Variants in CD101 observed in about 807,000 individuals in gnomAD.
CD101 encodes the protein immunoglobulin superfamily member 2.
In CD101, 76 loss-of-function variants were observed where a neutral mutation model predicts 98.2. That is an observed-to-expected ratio of 0.77 (90% CI 0.64 to 0.94). The LOEUF is 0.94. Among genes scored for constraint, CD101 ranks in the 40% least tolerant of loss-of-function variants. The probability of loss-of-function intolerance (pLI) is 0.00; values close to 1 mark genes in which losing one functional copy is unlikely to be tolerated. For synonymous variants in CD101, 471 were observed against 472.7 expected, an observed-to-expected ratio of 1.00 and a Z score of 0.05; for missense variants, 1,145 against 1,218.8, an observed-to-expected ratio of 0.94 and a Z score of 0.90.
At position 117,025,891 on chromosome 1, in the gene CD101, G is replaced by A. The variant is rs763164796; in HGVS notation, c.2811G>A (p.Thr937=). The part of the protein sequence containing the change: ...ASDESQRMVL[T]VLPSEPTLPS... ...ATGAGTCACAGCGGATGGTGCTCAC[G>A]GTGCTGCCTTCAGGTAACCAGGGGT... Residue 937 remains threonine, a synonymous_variant, in exon 8 of 10, where the codon ACG becomes ACA. Transcript: ENST00000682167. The A allele has an allele frequency of 6.8e-6, 11 of 1,608,344 alleles. No homozygotes were observed. Among genetic ancestry groups the A allele is most frequent in the East Asian group, 6.7e-5 (3 of 44,754 alleles).
chr1:117,035,915 A>G (rs1039557264), intron 9 of CD101, among the ~76,000 whole-genome samples: 3 of 152,150 alleles, frequency 2.0e-5, no homozygotes, highest in Non-Finnish European at 2.9e-5. Flanking sequence ...ATTTTAATTC[A>G]AAGGGAAAGA....
chr1:117,026,667 T>C, intron 8 of CD101: 1 of 152,222 alleles, frequency 6.6e-6, no homozygotes, highest in East Asian at 1.9e-4. Context: ...CTGTAAAAAG[T>C]ATACAGTCTG....
chr1:117,032,431 A>G (rs960754685), intron 8 of CD101: 6 of 152,224 alleles, frequency 3.9e-5, no homozygotes, highest in African/African-American at 1.4e-4. Context: ...GAATGTCTAG[A>G]TTCTTTCTTG....
Position 117,001,813 on chromosome 1 carries a change from C to G in CD101, c.-5C>G. ...TTGGGACGAAAAAGGACTGTGCTGGCCCAAATGGCAGGCATCTCATATGTG... is the reference window on the plus strand; with the variant it reads ...TTGGGACGAAAAAGGACTGTGCTGGGCCAAATGGCAGGCATCTCATATGTG... On this transcript the variant is annotated 5_prime_UTR_variant, in exon 1 of 10. Coordinates refer to ENST00000682167, the MANE Select transcript of CD101 (RefSeq NM_001256106.3). 1 of 1,613,974 alleles carries G rather than the reference C, an allele frequency of 6.2e-7. No individual in the cohort carries two copies. The highest frequency in any genetic ancestry group is 1.1e-5 in the South Asian group (1 of 91,074).
chr1:117,011,424 A>T, intron 2 of CD101, 126 bp from the exon 3 acceptor site: 1 of 750,400 alleles, frequency 1.3e-6, no homozygotes. Context: ...ATAGGAAAGC[A>T]TATGGCAAGT....
At position 117,004,570 on chromosome 1, in the gene CD101, T is replaced by C. The variant is rs2101109991; in HGVS notation, c.43+2710T>C. ...CTCATCAGCCAACAAGAATATGAGC[T>C]ACTATTCAAAAGTAGCTAACCCTCT... is the stretch of plus-strand genomic sequence containing the variant. On this transcript the variant is annotated intron_variant, in intron 1 of 9. Coordinates refer to ENST00000682167, the MANE Select transcript of CD101 (RefSeq NM_001256106.3). This position sits in a 1 kb window ranked among gnomAD's most constrained non-coding sequence, Gnocchi z 4.1. Among the ~76,000 whole-genome samples, 1 of 152,310 alleles carries C rather than the reference T, an allele frequency of 6.6e-6. No homozygotes were observed. The highest frequency in any genetic ancestry group is 2.1e-4 in the South Asian group (1 of 4,828).
Position 117,017,471 on chromosome 1 carries a change from T to C in CD101, c.1610T>C (p.Leu537Pro). 1.9e-6 allele frequency: 3 copies of C among 1,604,996 alleles called. No individual in the cohort carries two copies. Among genetic ancestry groups the C allele is most frequent in the Non-Finnish European group, 2.6e-6 (3 of 1,174,048 alleles). The stretch of plus-strand genomic sequence containing the variant: ...AAGATTTCAGTTACTGTAAAGTCTC[T>C]GGGTAAGTGTCAAAGGAAGTCCTTT... ...TQKISVTVKS[L>P]ESSLQVSLMS... Residue 537 changes from leucine to proline, a missense_variant and splice_region_variant, in exon 5 of 10, where the codon CTG (leucine) becomes CCG (proline). Transcript: ENST00000682167.
rs1277116836 is a variant in CD101, at chr1:117,004,592, C to T, written c.43+2732C>T. Among the ~76,000 whole-genome samples the T allele has an allele frequency of 6.6e-6, 1 of 152,140 alleles. No individual in the cohort carries two copies. Among genetic ancestry groups the T allele is most frequent in the Non-Finnish European group, 1.5e-5 (1 of 68,038 alleles). On this transcript the variant is annotated intron_variant, in intron 1 of 9. Transcript: ENST00000682167. This position sits in a 1 kb window ranked among gnomAD's most constrained non-coding sequence, Gnocchi z 4.1. ...AGCTACTATTCAAAAGTAGCTAACCCTCTACCCATTAAAAGAGAGAGCAAG... is the reference window on the plus strand; with the variant it reads ...AGCTACTATTCAAAAGTAGCTAACCTTCTACCCATTAAAAGAGAGAGCAAG...
rs1030201592 is a variant in CD101 at position 117,010,044 on chromosome 1, T to G, written c.238T>G (p.Phe80Val). The change falls in exon 2 of 10, where the codon TTC (phenylalanine) becomes GTC (valine). Residue 80 changes from phenylalanine to valine, a missense_variant. Physicochemically the swap from Phe to Val is conservative, Grantham distance 50. Coordinates refer to ENST00000682167, the MANE Select transcript of CD101 (RefSeq NM_001256106.3). This position sits in a 1 kb window ranked among gnomAD's most constrained non-coding sequence, Gnocchi z 5.2. Reference protein sequence around the residue: ...VQIISTKDAAFSYAVYTQRVR... With the variant: ...VQIISTKDAAVSYAVYTQRVR... ...GATCATTAGCACCAAGGATGCTGCCTTCTCTTACGCAGTATATACGCAGCG... is the reference window on the plus strand; with the variant it reads ...GATCATTAGCACCAAGGATGCTGCCGTCTCTTACGCAGTATATACGCAGCG... 6.2e-7 allele frequency: 1 copy of G among 1,614,226 alleles called. No individual in the cohort carries two copies. Among genetic ancestry groups the G allele is most frequent in the African/African-American group, 1.3e-5 (1 of 75,064 alleles).
chr1:117,023,661 C>T lies in CD101; in HGVS notation c.2428+1678C>T, dbSNP rs1570734828. On this transcript the variant is annotated intron_variant, in intron 7 of 9. Coordinates refer to ENST00000682167, the MANE Select transcript of CD101 (RefSeq NM_001256106.3). This position sits in a 1 kb window ranked among gnomAD's most constrained non-coding sequence, Gnocchi z 4.4. ...TGAACTCCTGACCTCAGGTGATCCACCTGCCTTGGCCTCCCAAAGTGCTGG... is the reference window on the plus strand; with the variant it reads ...TGAACTCCTGACCTCAGGTGATCCATCTGCCTTGGCCTCCCAAAGTGCTGG... Among the ~76,000 whole-genome samples, 1 of 152,096 alleles carries T rather than the reference C, an allele frequency of 6.6e-6. No homozygotes were observed. The highest frequency in any genetic ancestry group is 1.5e-5 in the Non-Finnish European group (1 of 68,020).
In CD101 at chr1:117,018,199, G is replaced by A. The variant is rs779054050; in HGVS notation, c.1656G>A (p.Val552=). The change falls in exon 6 of 10, where the codon GTG becomes GTA. Residue 552 remains valine (V), a synonymous_variant. Coordinates refer to ENST00000682167, the MANE Select transcript of CD101 (RefSeq NM_001256106.3). This position sits in a 1 kb window ranked among gnomAD's most constrained non-coding sequence, Gnocchi z 4.3. ...GTCTGATGAGCCGTCAGCCGCAAGT[G>A]ATGTTAACCAACACCTTTGACCTGT... ...QVSLMSRQPQ[V]MLTNTFDLSC... The A allele has an allele frequency of 1.2e-6, 2 of 1,609,884 alleles. No individual in the cohort carries two copies. Among genetic ancestry groups the A allele is most frequent in the Non-Finnish European group, 1.7e-6 (2 of 1,177,304 alleles).
At chr1:117,026,152 T>G in intron 8 of CD101, 1 of 406,292 alleles carries the variant, frequency 2.5e-6, no homozygotes, top group Non-Finnish European at 4.4e-6. Context: ...GTCCATGTCT[T>G]TCTGCTGGGG....
rs928430737 is a variant in CD101 at position 117,023,696 on chromosome 1, C to T, written c.2428+1713C>T. The stretch of plus-strand genomic sequence containing the variant: ...CCTCCCAAAGTGCTGGGATTACAGG[C>T]GTGAGCCACTGCGCCCAGCCCAGTT... On this transcript the variant is annotated intron_variant, in intron 7 of 9. Transcript: ENST00000682167. This position sits in a 1 kb window ranked among gnomAD's most constrained non-coding sequence, Gnocchi z 4.4. 2.4e-4 allele frequency among the ~76,000 whole-genome samples: 37 copies of T among 152,126 alleles called. No individual in the cohort carries two copies. The highest frequency in any genetic ancestry group is 6.8e-3 in the Middle Eastern group (2 of 294).
At chr1:117,008,976 C>G (rs1355537971) in intron 1 of CD101, among the ~76,000 whole-genome samples, 7 of 152,134 alleles carry the variant, frequency 4.6e-5, no homozygotes, top group Admixed American at 4.6e-4. Flanking sequence ...AATGAACTAG[C>G]CTTTAATATC....
chr1:117,033,833 A>T lies in CD101; in HGVS notation c.2825-27A>T, dbSNP rs750220628. 4 of 1,613,318 alleles carry T rather than the reference A, an allele frequency of 2.5e-6. No individual in the cohort carries two copies. The East Asian group carries it at 8.9e-5, about 36-fold the overall frequency. ...AGTACAAATAAGTTGGAGATGAATT[A>T]CTCTCTTGTTTCTCCCTTCGTTGCA... On this transcript the variant is annotated intron_variant, in intron 8 of 9. Transcript: ENST00000682167. The surrounding 1 kb of genome is among the most constrained non-coding windows in gnomAD (Gnocchi z 4.8).
In CD101 at chr1:117,021,618, C is replaced by T. The variant is rs1653587159; in HGVS notation, c.2063C>T (p.Ser688Phe). ...VNSRSQVQEL[S>F]INSNTDIECS... is the part of the protein sequence containing the mutation. ...TCAAGGAGTCAAGTCCAAGAGCTCT[C>T]CATCAACTCCAACACTGATATAGAA... The change falls in exon 7 of 10, where the codon TCC (serine) becomes TTC (phenylalanine). Residue 688 changes from serine (S) to phenylalanine (F), a missense_variant. Transcript: ENST00000682167. The surrounding 1 kb of genome is among the most constrained non-coding windows in gnomAD (Gnocchi z 4.7). The T allele has an allele frequency of 6.2e-7, 1 of 1,603,166 alleles. No homozygotes were observed. The highest frequency in any genetic ancestry group is 1.3e-5 in the African/African-American group (1 of 74,432).
Position 117,012,594 on chromosome 1 carries a change from G to A in CD101, c.841+628G>A, listed in dbSNP as rs1318727434. Among the ~76,000 whole-genome samples the A allele has an allele frequency of 6.6e-6, 1 of 152,060 alleles. No individual in the cohort carries two copies. Among genetic ancestry groups the A allele is most frequent in the East Asian group, 1.9e-4 (1 of 5,190 alleles). Reference sequence around the variant, plus strand: ...TTTTTAATTTTTAAATTTTTTTAAGGACAGGATCTTGCTATGTTCCCCAGG... The same window carrying A: ...TTTTTAATTTTTAAATTTTTTTAAGAACAGGATCTTGCTATGTTCCCCAGG... On this transcript the variant is annotated intron_variant, in intron 3 of 9. Transcript: ENST00000682167. This position sits in a 1 kb window ranked among gnomAD's most constrained non-coding sequence, Gnocchi z 4.0.
chr1:117,009,698 C>A, intron 1 of CD101, 152 bp from the exon 2 acceptor site: 1 of 723,578 alleles, frequency 1.4e-6, no homozygotes, highest in Non-Finnish European at 2.2e-6. Flanking sequence ...GCTGCTCAGC[C>A]TGAAGAAGAT....
Position 117,025,864 on chromosome 1 carries a change from C to T in CD101, c.2784C>T (p.Ser928=), listed in dbSNP as rs539889195. Residue 928 remains serine, a synonymous_variant, in exon 8 of 10, where the codon TCC becomes TCT. Transcript: ENST00000682167. ...GHPSKWINQA[S]DESQRMVLTV... Reference sequence around the variant, plus strand: ...CAAGCAAGTGGATTAATCAAGCATCCGATGAGTCACAGCGGATGGTGCTCA... The same window carrying T: ...CAAGCAAGTGGATTAATCAAGCATCTGATGAGTCACAGCGGATGGTGCTCA... 4.4e-5 allele frequency: 71 copies of T among 1,613,702 alleles called. No individual in the cohort carries two copies. Among genetic ancestry groups the T allele is most frequent in the African/African-American group, 1.9e-4 (14 of 75,008 alleles).
Sources: allele counts gnomAD v4.1 joint callset (sites outside exome capture counted in the v4.1 genomes callset), GRCh38; gene constraint gnomAD v4.1.1; non-coding constraint Gnocchi (gnomAD v3.1); transcripts MANE v1.5; gene names NCBI Gene and HGNC (gene_info 2026-07-23, HGNC 2026-07-21).